The following RBFOX3 variants were observed in gnomAD, a reference collection of about 807,000 sequenced individuals.
The protein encoded by RBFOX3 is RNA binding fox-1 homolog 3.
In RBFOX3, 17 loss-of-function variants were observed where a neutral mutation model predicts 48.7. The ratio of observed to expected loss-of-function variants is 0.35; its 90% CI spans 0.24 to 0.52. The LOEUF is 0.52. Among genes scored for constraint, RBFOX3 ranks in the 20% least tolerant of loss-of-function variants. The pLI, the probability that RBFOX3 is intolerant of heterozygous loss-of-function variation, is 0.94. For synonymous variants in RBFOX3, 212 were observed against 209.5 expected (o/e 1.01, Z -0.10); for missense variants, 382 against 497.5 (o/e 0.77, Z 2.21).
the RBFOX3 span, among the ~76,000 whole-genome samples, chr17:79,638,040 G>GACAA: frequency 0.65 from 97,750 of 151,374 alleles, 31,705 homozygotes; most frequent in Middle Eastern, 0.68. Flanking sequence ...AATATCTCAA[G>GACAA]ACAAAAACAA....
intron 2 of RBFOX3, among the ~76,000 whole-genome samples, chr17:79,469,061 C>T (rs984203929): frequency 6.6e-6 from 1 of 151,834 alleles, no homozygotes; most frequent in African/African-American, 2.4e-5. Context: ...ATTGACTGAT[C>T]GACTGACAGA....
chr17:79,236,686 G>A (rs530510534), intron 3 of RBFOX3, among the ~76,000 whole-genome samples: 1 of 152,296 alleles, frequency 6.6e-6, no homozygotes, highest in African/African-American at 2.4e-5. Context: ...TCAGTGATAC[G>A]GACAGACTGG....
At chr17:79,437,387 T>C (rs1249463729) in intron 2 of RBFOX3, among the ~76,000 whole-genome samples, 2 of 152,168 alleles carry the variant, frequency 1.3e-5, no homozygotes, top group African/African-American at 4.8e-5. Flanking sequence ...GATGACTCAA[T>C]AAATGACGAG....
intron 1 of RBFOX3, among the ~76,000 whole-genome samples, chr17:79,589,302 TC>T (rs2093351029): frequency 1.9e-5 from 1 of 53,888 alleles, no homozygotes. Context: ...CCCAGGGCTC[TC>T]CTTGGCTTTA....
chr17:79,395,106 G>A (rs540983583), intron 2 of RBFOX3, among the ~76,000 whole-genome samples: 2 of 152,356 alleles, frequency 1.3e-5, no homozygotes, highest in South Asian at 2.1e-4. Flanking sequence ...CTCTATCTGG[G>A]CCTCCCGTCA....
intron 2 of RBFOX3, among the ~76,000 whole-genome samples, chr17:79,397,307 C>T (rs188344034): frequency 1.2e-3 from 187 of 152,080 alleles, no homozygotes; most frequent in African/African-American, 4.3e-3. Flanking sequence ...ATGGTGAAAC[C>T]CTGTCTCTCC....
chr17:79,548,468 CCA>C (rs1282245958), intron 1 of RBFOX3, among the ~76,000 whole-genome samples: 1 of 152,258 alleles, frequency 6.6e-6, no homozygotes, highest in African/African-American at 2.4e-5. Flanking sequence ...GGCACGGCTG[CCA>C]CCACCCCCAA....
At chr17:79,455,588 C>A (rs2074334354) in intron 2 of RBFOX3, among the ~76,000 whole-genome samples, 1 of 151,954 alleles carries the variant, frequency 6.6e-6, no homozygotes, top group Non-Finnish European at 1.5e-5. Flanking sequence ...TGTGTGCACA[C>A]ACACACACGC....
chr17:79,299,237 C>T lies in RBFOX3; in HGVS notation c.-74+8487G>A, dbSNP rs937566678. Among the ~76,000 whole-genome samples the T allele has an allele frequency of 2.6e-5, 4 of 151,748 alleles. No homozygotes were observed. Among genetic ancestry groups the T allele is most frequent in the African/African-American group, 9.7e-5 (4 of 41,260 alleles). ...CCTGGCAAACCCTGGCCAGCACACC[C>T]AGACACAACCCCGGATGGCATCAGG... On this transcript the variant is annotated intron_variant, in intron 3 of 14. Transcript: ENST00000693108. This position sits in a 1 kb window ranked among gnomAD's most constrained non-coding sequence, Gnocchi z 4.5.
intron 2 of RBFOX3, among the ~76,000 whole-genome samples, chr17:79,454,697 G>T (rs1318600225): frequency 1.3e-5 from 2 of 152,190 alleles, no homozygotes; most frequent in Non-Finnish European, 2.9e-5. Context: ...CGACCTGTCT[G>T]GAGTCACACA....
intron 2 of RBFOX3, among the ~76,000 whole-genome samples, chr17:79,452,113 T>C (rs1243791056): frequency 6.6e-6 from 1 of 152,064 alleles, no homozygotes; most frequent in Non-Finnish European, 1.5e-5. Context: ...GAGAAGGAAG[T>C]TGCTGGAAGG....
In RBFOX3 at chr17:79,453,245, T is replaced by C. The variant is rs111680195; in HGVS notation, c.-175+29209A>G. On this transcript the variant is annotated intron_variant, in intron 2 of 14. Transcript: ENST00000693108. The stretch of plus-strand genomic sequence containing the variant: ...CCCAGCGGCCATGCTGGCCACACCC[T>C]AAGTCCAGAGCGATGCCCAGAGAAC... Among the ~76,000 whole-genome samples the C allele has an allele frequency of 5.1e-3, 776 of 152,362 alleles. 10 individuals carry two copies. Among genetic ancestry groups the C allele is most frequent in the African/African-American group, 0.017 (726 of 41,594 alleles).
At chr17:79,593,484 C>T (rs1432359121) in intron 1 of RBFOX3, among the ~76,000 whole-genome samples, 3 of 152,096 alleles carry the variant, frequency 2.0e-5, no homozygotes, top group Non-Finnish European at 4.4e-5. Flanking sequence ...GCCTTGACAC[C>T]GCCAGAAAAT....
intron 2 of RBFOX3, among the ~76,000 whole-genome samples, chr17:79,470,015 C>A (rs933813604): frequency 6.6e-6 from 1 of 152,112 alleles, no homozygotes; most frequent in South Asian, 2.1e-4. Flanking sequence ...GACCAAGAGC[C>A]AGGGTGAGGG....
intron 2 of RBFOX3, among the ~76,000 whole-genome samples, chr17:79,444,496 G>A (rs1240614747): frequency 6.6e-6 from 1 of 152,040 alleles, no homozygotes; most frequent in African/African-American, 2.4e-5. Context: ...CGGTGCCTCT[G>A]AGCCACAGCT....
At chr17:79,420,941 C>T (rs1013842933) in intron 2 of RBFOX3, among the ~76,000 whole-genome samples, 1 of 152,192 alleles carries the variant, frequency 6.6e-6, no homozygotes, top group African/African-American at 2.4e-5. Flanking sequence ...GCCATGTACA[C>T]CTCCCAAGCC....
chr17:79,488,765 G>A (rs2080043667), intron 1 of RBFOX3, among the ~76,000 whole-genome samples: 1 of 152,164 alleles, frequency 6.6e-6, no homozygotes, highest in Non-Finnish European at 1.5e-5. Context: ...CCCTGTATGA[G>A]GCACACAGAA....
At chr17:79,397,953 G>A (rs2062242811) in intron 2 of RBFOX3, among the ~76,000 whole-genome samples, 1 of 152,162 alleles carries the variant, frequency 6.6e-6, no homozygotes, top group African/African-American at 2.4e-5. Flanking sequence ...CTGTCCGGCG[G>A]CGGATTTTCA....
rs1321722762 is a variant in RBFOX3, at chr17:79,090,672, G to C, written c.*211C>G. 6 of 612,386 alleles carry C rather than the reference G, an allele frequency of 9.8e-6. No homozygotes were observed. The highest frequency in any genetic ancestry group is 1.7e-5 in the Non-Finnish European group (6 of 352,024). The allele number at this position is 612,386 out of a possible 1,614,324, so 37.9% of individuals were successfully genotyped here. A position where few individuals can be genotyped will look rare whatever the true frequency, so the allele number is the denominator to read the frequency against. On this transcript the variant is annotated 3_prime_UTR_variant, in exon 15 of 15. Coordinates refer to ENST00000693108, the MANE Select transcript of RBFOX3 (RefSeq NM_001350451.2). ...CGCGGTGGGGCCGTCCTGTCCTGGG[G>C]CCGCTCCTCGGCGCCCCTGCCGGCG...
Sources: allele counts gnomAD v4.1 joint callset (sites outside exome capture counted in the v4.1 genomes callset), GRCh38; gene constraint gnomAD v4.1.1; non-coding constraint Gnocchi (gnomAD v3.1); transcripts MANE v1.5; gene names NCBI Gene and HGNC (gene_info 2026-07-23, HGNC 2026-07-21).